The following SERAC1 variants were observed in gnomAD, a reference collection of about 807,000 sequenced individuals.
The protein encoded by SERAC1 is serine active site containing 1, also known as protein SERAC1.
A neutral mutation model predicts 85.7 loss-of-function variants in SERAC1; 36 were observed. That is an observed-to-expected ratio of 0.42 (90% CI 0.32 to 0.55). The LOEUF (loss-of-function observed/expected upper bound fraction) is 0.55, where lower values mean the gene tolerates loss of function less well. Among genes scored for constraint, SERAC1 ranks in the 20% least tolerant of loss-of-function variants. The pLI is 0.11. For synonymous variants in SERAC1, 242 were observed against 265.3 expected (o/e 0.91, Z 0.85); for missense variants, 629 against 796.2 (o/e 0.79, Z 2.53).
At chr6:158,158,487 C>A in intron 1 of SERAC1, 123 bp from the exon 2 acceptor site, 4 of 588,970 alleles carry the variant, frequency 6.8e-6, no homozygotes, top group Non-Finnish European at 8.4e-6. Context: ...TTCAAGACTA[C>A]GAAGAAAACT....
At chr6:158,123,465 A>C (rs1182825963) in intron 10 of SERAC1, among the ~76,000 whole-genome samples, 1 of 152,250 alleles carries the variant, frequency 6.6e-6, no homozygotes, top group Non-Finnish European at 1.5e-5. Context: ...GTCTCAGTAA[A>C]GTAGGAGGAG....
intron 9 of SERAC1, among the ~76,000 whole-genome samples, chr6:158,129,960 T>C (rs1386450906): frequency 1.3e-5 from 2 of 152,196 alleles, no homozygotes; most frequent in Admixed American, 1.3e-4. Flanking sequence ...CCTCCCAAAG[T>C]GCTGGGATTA....
chr6:158,145,268 G>A (rs533064565), intron 6 of SERAC1: 2 of 152,260 alleles, frequency 1.3e-5, no homozygotes, highest in African/African-American at 4.8e-5. Flanking sequence ...AATAACCTGG[G>A]TGAGTACTTC....
At chr6:158,150,361 G>A in intron 4 of SERAC1, 92 bp downstream of exon 4, 4 of 1,003,402 alleles carry the variant, frequency 4.0e-6, no homozygotes, top group Non-Finnish European at 4.4e-6. Context: ...AGCTCAATCT[G>A]TATTACTAAT....
chr6:158,161,316 G>A (rs1785482433), intron 1 of SERAC1: 1 of 151,748 alleles, frequency 6.6e-6, no homozygotes, highest in Non-Finnish European at 1.5e-5. Context: ...CTGGGAGACA[G>A]AGGTTTCAGT....
intron 15 of SERAC1, among the ~76,000 whole-genome samples, chr6:158,113,952 T>C (rs1049018177): frequency 6.6e-6 from 1 of 151,956 alleles, no homozygotes; most frequent in Non-Finnish European, 1.5e-5. Flanking sequence ...AATCACAGAA[T>C]GCCTGTCCCT....
intron 12 of SERAC1, 84 bp downstream of exon 12, chr6:158,118,945 C>T: frequency 6.6e-7 from 1 of 1,508,164 alleles, no homozygotes; most frequent in South Asian, 1.3e-5. Context: ...AATCCCAGAA[C>T]AAAGAGAAAA....
At chr6:158,136,503 G>T (rs1263890676) in intron 8 of SERAC1, among the ~76,000 whole-genome samples, 1 of 152,128 alleles carries the variant, frequency 6.6e-6, no homozygotes, top group African/African-American at 2.4e-5. Flanking sequence ...TTATTTTTTA[G>T]AGATGGGGTT....
intron 10 of SERAC1, among the ~76,000 whole-genome samples, chr6:158,123,868 A>T (rs187986050): frequency 9.9e-4 from 151 of 152,358 alleles, no homozygotes; most frequent in Non-Finnish European, 1.1e-3. Flanking sequence ...TGGATAGAAG[A>T]TTTCAATAGA....
At chr6:158,143,762 A>G (rs943164460) in intron 7 of SERAC1, among the ~76,000 whole-genome samples, 1 of 152,126 alleles carries the variant, frequency 6.6e-6, no homozygotes, top group African/African-American at 2.4e-5. Flanking sequence ...AGTCTAGGAA[A>G]GATACTCAAG....
intron 6 of SERAC1, among the ~76,000 whole-genome samples, chr6:158,144,796 G>A (rs1785013756): frequency 6.6e-6 from 1 of 152,178 alleles, no homozygotes; most frequent in South Asian, 2.1e-4. Context: ...CTGCTCCGTG[G>A]TGATGATATG....
chr6:158,161,177 G>A (rs1471003037), intron 1 of SERAC1: 1 of 152,128 alleles, frequency 6.6e-6, no homozygotes, highest in Non-Finnish European at 1.5e-5. Context: ...GGAGCTCTAG[G>A]CCAGCCCAGG....
intron 15 of SERAC1, 45 bp downstream of exon 15, chr6:158,114,744 T>G: frequency 9.8e-7 from 1 of 1,020,832 alleles, no homozygotes; most frequent in Non-Finnish European, 1.4e-6. Flanking sequence ...TCTGTGTAAC[T>G]GATGTTAATA....
intron 2 of SERAC1, among the ~76,000 whole-genome samples, chr6:158,156,703 T>C (rs1208683137): frequency 2.0e-5 from 3 of 146,472 alleles, no homozygotes; most frequent in Non-Finnish European, 4.5e-5. Flanking sequence ...GATTAGGTAC[T>C]GAGGCTAGCC....
intron 1 of SERAC1, among the ~76,000 whole-genome samples, chr6:158,165,597 T>C (rs1785581054): frequency 6.6e-6 from 1 of 152,204 alleles, no homozygotes. Context: ...AAGAGAATTC[T>C]TTACTTTTTC....
rs1021316993 is a variant in SERAC1, at chr6:158,110,944, G to C, written c.*422C>G. The C allele has an allele frequency of 6.5e-6, 1 of 153,252 alleles. No homozygotes were observed. Among genetic ancestry groups the C allele is most frequent in the African/African-American group, 2.4e-5 (1 of 41,462 alleles). The allele number at this position is 153,252 out of a possible 1,614,324, so 9.5% of individuals were successfully genotyped here. Reference sequence around the variant, plus strand: ...AAGTAAAAGAGTCTTGAATGTTCTAGTTCATTCTTCTCTCCATTTTAGGTA... The same window carrying C: ...AAGTAAAAGAGTCTTGAATGTTCTACTTCATTCTTCTCTCCATTTTAGGTA... On this transcript the variant is annotated 3_prime_UTR_variant, in exon 17 of 17. Coordinates refer to ENST00000647468, the MANE Select transcript of SERAC1 (RefSeq NM_032861.4).
chr6:158,126,905 T>G (rs1784551375), intron 10 of SERAC1, among the ~76,000 whole-genome samples: 1 of 151,904 alleles, frequency 6.6e-6, no homozygotes, highest in African/African-American at 2.4e-5. Context: ...TTTTTCAAAT[T>G]AGCCATGCAC....
chr6:158,128,966 A>C (rs969038283), intron 9 of SERAC1, among the ~76,000 whole-genome samples: 17 of 152,214 alleles, frequency 1.1e-4, no homozygotes, highest in Admixed American at 2.0e-4. Flanking sequence ...TCCCATCACT[A>C]GTTTTACTCA....
intron 4 of SERAC1, 132 bp from the exon 5 acceptor site, chr6:158,149,086 T>C (rs1785143386): frequency 3.5e-6 from 2 of 572,356 alleles, no homozygotes; most frequent in East Asian, 6.7e-5. Context: ...GCCTCCCGGG[T>C]TCACCCCATT....
Sources: gnomAD v4.1 joint callset for allele counts (sites outside exome capture counted in the v4.1 genomes callset) on GRCh38, gnomAD v4.1.1 for gene constraint, MANE v1.5 for transcripts, NCBI Gene and HGNC (gene_info 2026-07-23, HGNC 2026-07-21) for gene names.